CDK6: variants seen among roughly 807,000 people sequenced by gnomAD.
CDK6 encodes cyclin dependent kinase 6.
A neutral mutation model predicts 37.1 loss-of-function variants in CDK6; 6 were observed. That is an observed-to-expected ratio of 0.16 (90% CI 0.09 to 0.32). The LOEUF (loss-of-function observed/expected upper bound fraction) is 0.32, where lower values mean the gene tolerates loss of function less well. Among genes scored for constraint, CDK6 ranks in the 10% least tolerant of loss-of-function variants. The pLI, the probability that CDK6 is intolerant of heterozygous loss-of-function variation, is 1.00. For synonymous variants in CDK6, 160 were observed against 161.3 expected, an observed-to-expected ratio of 0.99 and a Z score of 0.06; for missense variants, 224 against 418.9, an observed-to-expected ratio of 0.53 and a Z score of 4.06.
intron 5 of CDK6, among the ~76,000 whole-genome samples, chr7:92,625,114 G>A (rs1247515942): frequency 6.6e-6 from 1 of 151,714 alleles, no homozygotes; most frequent in African/African-American, 2.4e-5. Context: ...TTGTAAAATG[G>A]AAAGAATGAT....
chr7:92,814,555 CAAAA>C (rs201939605), intron 2 of CDK6, among the ~76,000 whole-genome samples: 3 of 70,038 alleles, frequency 4.3e-5, no homozygotes, highest in Admixed American at 1.5e-4. Flanking sequence ...AACTGAATTG[CAAAA>C]AAAAAAAAAA....
chr7:92,612,555 CA>C lies in CDK6; in HGVS notation c.*2584del. ...TGGAAGAACTGGGGACAGATTTTTA[CA>C]AAGTTCAGAGAGGCTGAGATGCCCT... On this transcript the variant is annotated 3_prime_UTR_variant, in exon 8 of 8. Coordinates refer to ENST00000424848, the MANE Select transcript of CDK6 (RefSeq NM_001145306.2). 4.3e-6 allele frequency: 1 copy of C among 233,078 alleles called. No homozygotes were observed. The allele number at this position is 233,078 out of a possible 1,614,324, so 14.4% of individuals were successfully genotyped here.
chr7:92,678,631 A>T (rs1797261578), intron 4 of CDK6, among the ~76,000 whole-genome samples: 1 of 152,152 alleles, frequency 6.6e-6, no homozygotes, highest in African/African-American at 2.4e-5. Flanking sequence ...TTTATCATGT[A>T]CCCTTTCACC....
intron 3 of CDK6, among the ~76,000 whole-genome samples, chr7:92,736,798 A>G (rs2115610138): frequency 6.6e-6 from 1 of 152,300 alleles, no homozygotes; most frequent in East Asian, 1.9e-4. Flanking sequence ...AATGGATGGG[A>G]GGTGGTGTAA....
intron 3 of CDK6, among the ~76,000 whole-genome samples, chr7:92,744,833 T>C (rs1365776730): frequency 6.6e-6 from 1 of 152,170 alleles, no homozygotes; most frequent in Non-Finnish European, 1.5e-5. Context: ...GGAAAGTTTG[T>C]AAGTAAGACA....
At chr7:92,756,355 G>T (rs913499693) in intron 3 of CDK6, among the ~76,000 whole-genome samples, 2 of 152,190 alleles carry the variant, frequency 1.3e-5, no homozygotes, top group African/African-American at 4.8e-5. Context: ...CAATTTTGTG[G>T]CTGGGCATGG....
At chr7:92,807,080 A>G (rs116459461) in intron 2 of CDK6, among the ~76,000 whole-genome samples, 3,199 of 152,272 alleles carry the variant, frequency 0.021, 127 homozygotes, top group South Asian at 0.17. Flanking sequence ...TGGTTTGTTC[A>G]CCACCTGTCC....
At chr7:92,811,476 G>A (rs1461184758) in intron 2 of CDK6, among the ~76,000 whole-genome samples, 2 of 151,922 alleles carry the variant, frequency 1.3e-5, no homozygotes, top group African/African-American at 4.8e-5. Context: ...AAACTGGGGT[G>A]GCTTCGAGTG....
At chr7:92,724,608 G>C (rs964450410) in intron 4 of CDK6, among the ~76,000 whole-genome samples, 5 of 152,026 alleles carry the variant, frequency 3.3e-5, no homozygotes, top group African/African-American at 1.2e-4. Context: ...GAAATTTAGG[G>C]AAACAATTTT....
chr7:92,664,701 G>A (rs1562928978), intron 5 of CDK6, among the ~76,000 whole-genome samples: 2 of 152,144 alleles, frequency 1.3e-5, no homozygotes, highest in Admixed American at 6.5e-5. Flanking sequence ...TGGATTGGCA[G>A]AGCTGGCAAC....
chr7:92,625,727 A>G (rs1795914244), intron 5 of CDK6, among the ~76,000 whole-genome samples: 1 of 152,088 alleles, frequency 6.6e-6, no homozygotes, highest in South Asian at 2.1e-4. Flanking sequence ...GGCAAACAAC[A>G]TTTAGAAGTT....
chr7:92,805,193 G>C (rs1226783298), intron 2 of CDK6, among the ~76,000 whole-genome samples: 1 of 152,172 alleles, frequency 6.6e-6, no homozygotes, highest in Non-Finnish European at 1.5e-5. Flanking sequence ...GTTGGAGACT[G>C]AATCATGTAA....
chr7:92,806,310 G>C (rs893431742), intron 2 of CDK6, among the ~76,000 whole-genome samples: 1 of 152,092 alleles, frequency 6.6e-6, no homozygotes, highest in Non-Finnish European at 1.5e-5. Context: ...AAAGTGTTCT[G>C]AGCCTGTATC....
At chr7:92,639,561 C>T (rs991136414) in intron 5 of CDK6, among the ~76,000 whole-genome samples, 4 of 152,200 alleles carry the variant, frequency 2.6e-5, no homozygotes, top group East Asian at 1.9e-4. Context: ...CACCATGCTG[C>T]GGCACCCTCA....
chr7:92,770,396 T>G (rs1056104855), intron 3 of CDK6, among the ~76,000 whole-genome samples: 1 of 151,588 alleles, frequency 6.6e-6, no homozygotes, highest in Non-Finnish European at 1.5e-5. Flanking sequence ...TTTTATTTTA[T>G]TCTCATGAAC....
At chr7:92,660,844 G>T (rs1796819024) in intron 5 of CDK6, among the ~76,000 whole-genome samples, 1 of 152,196 alleles carries the variant, frequency 6.6e-6, no homozygotes, top group Non-Finnish European at 1.5e-5. Context: ...AAGCTGGTTA[G>T]ATGGGTTCAG....
chr7:92,831,945 T>C (rs1801494837), intron 2 of CDK6, among the ~76,000 whole-genome samples: 1 of 152,242 alleles, frequency 6.6e-6, no homozygotes, highest in Non-Finnish European at 1.5e-5. Context: ...TGTTTGACTT[T>C]TTACAAAAAT....
chr7:92,827,092 G>T (rs898053004), intron 2 of CDK6, among the ~76,000 whole-genome samples: 1 of 152,066 alleles, frequency 6.6e-6, no homozygotes, highest in Non-Finnish European at 1.5e-5. Context: ...TATCTACAAT[G>T]CATACAATCA....
intron 4 of CDK6, among the ~76,000 whole-genome samples, chr7:92,718,537 C>T (rs1215336600): frequency 6.6e-6 from 1 of 152,196 alleles, no homozygotes; most frequent in African/African-American, 2.4e-5. Flanking sequence ...TCTGGTCCTG[C>T]TTCACTTTGT....
Sources: allele counts gnomAD v4.1 joint callset (sites outside exome capture counted in the v4.1 genomes callset), GRCh38; gene constraint gnomAD v4.1.1; transcripts MANE v1.5; gene names NCBI Gene and HGNC (gene_info 2026-07-23, HGNC 2026-07-21).